LVRN: variants seen among roughly 807,000 people sequenced by gnomAD.
LVRN encodes laeverin, also known as aminopeptidase Q.
In LVRN, 99 loss-of-function variants were observed where a neutral mutation model predicts 111.4. The ratio of observed to expected loss-of-function variants is 0.89; its 90% CI spans 0.76 to 1.05. LVRN has a LOEUF of 1.05. Ranked by LOEUF, LVRN falls within the 50% of genes least tolerant of loss-of-function variation. LVRN has a pLI of 0.00. For missense variants in LVRN, 1,414 were observed against 1,206.8 expected, an observed-to-expected ratio of 1.17 and a Z score of -2.54; for synonymous variants, 488 against 449.5, an observed-to-expected ratio of 1.09 and a Z score of -1.08.
rs1293835203 is a variant in LVRN at position 115,985,058 on chromosome 5, C to T, written c.978+349C>T. 2.0e-5 allele frequency among the ~76,000 whole-genome samples: 3 copies of T among 152,140 alleles called. No individual in the cohort carries two copies. In the East Asian group the frequency reaches 5.8e-4, roughly 29 times the overall value. ...GTTTGCGTTTAGTATGTGATGTGTA[C>T]TTAGCCCAGGGTTAATGGTGTCTTG... On this transcript the variant is annotated intron_variant, in intron 3 of 19. Coordinates refer to ENST00000357872, the MANE Select transcript of LVRN (RefSeq NM_173800.5).
In LVRN at chr5:115,999,795, A is replaced by G. The variant is rs1241412353; in HGVS notation, c.1408A>G (p.Ile470Val). 2.5e-6 allele frequency: 4 copies of G among 1,613,186 alleles called. No individual in the cohort carries two copies. Among genetic ancestry groups the G allele is most frequent in the Non-Finnish European group, 2.5e-6 (3 of 1,179,506 alleles). Residue 470 changes from isoleucine (I) to valine (V), a missense_variant, in exon 7 of 20, where the codon ATC becomes GTC. Coordinates refer to ENST00000357872, the MANE Select transcript of LVRN (RefSeq NM_173800.5). ...EIFFSNILHN[I>V]LREDHALVTR... ...CTTTTTTTCTAACATTTTACATAATATCCTCAGAGAAGATCACGCCCTGGT... is the reference window on the plus strand; with the variant it reads ...CTTTTTTTCTAACATTTTACATAATGTCCTCAGAGAAGATCACGCCCTGGT...
intron 12 of LVRN, 110 bp downstream of exon 12, chr5:116,003,490 T>G: frequency 1.5e-6 from 1 of 647,924 alleles, no homozygotes; most frequent in Non-Finnish European, 2.3e-6. Flanking sequence ...TTCCCGCCCC[T>G]CACCTCCAGG....
intron 5 of LVRN, 73 bp downstream of exon 5, chr5:115,992,350 C>A: frequency 2.0e-6 from 3 of 1,528,788 alleles, no homozygotes; most frequent in Non-Finnish European, 2.7e-6. Context: ...AGCATAAAAA[C>A]CCCAGTAAGA....
intron 14 of LVRN, among the ~76,000 whole-genome samples, chr5:116,011,340 T>C (rs1748485847): frequency 6.6e-6 from 1 of 151,934 alleles, no homozygotes; most frequent in African/African-American, 2.4e-5. Flanking sequence ...GAGAGATATA[T>C]TCCAGAAAAT....
chr5:115,984,771 C>G, intron 3 of LVRN, 62 bp downstream of exon 3: 3 of 1,591,002 alleles, frequency 1.9e-6, no homozygotes, highest in Non-Finnish European at 2.6e-6. Flanking sequence ...TTCATCTATT[C>G]TTTCTGCATC....
intron 18 of LVRN, chr5:116,021,522 A>G (rs75039552): frequency 0.019 from 4,417 of 234,452 alleles, 216 homozygotes; most frequent in African/African-American, 0.096. Flanking sequence ...AGAAAGTTAG[A>G]AAAACAGCAG....
chr5:115,977,751 G>C (rs935292414), intron 1 of LVRN, among the ~76,000 whole-genome samples: 4 of 152,104 alleles, frequency 2.6e-5, no homozygotes, highest in African/African-American at 9.7e-5. Flanking sequence ...AACTCCTGGG[G>C]AGTCAGTTTT....
chr5:115,964,542 G>C (rs1753162157), intron 1 of LVRN, among the ~76,000 whole-genome samples: 1 of 150,382 alleles, frequency 6.6e-6, no homozygotes, highest in African/African-American at 2.5e-5. Context: ...TACTGTGTAG[G>C]TCAGGGTGCA....
chr5:115,978,013 A>G (rs1753483663), intron 1 of LVRN, among the ~76,000 whole-genome samples: 1 of 152,250 alleles, frequency 6.6e-6, no homozygotes, highest in African/African-American at 2.4e-5. Flanking sequence ...GGGGGGCCAA[A>G]TAAAGGTGAA....
chr5:116,001,278 G>A (rs138458411), intron 10 of LVRN, 39 bp downstream of exon 10: 1 of 1,606,948 alleles, frequency 6.2e-7, no homozygotes, highest in South Asian at 1.1e-5. Context: ...ACCTTCCTTG[G>A]GGTTGAGCTC....
At position 116,025,573 on chromosome 5, in the gene LVRN, G is replaced by A. The variant is rs143911503; in HGVS notation, c.2833-405G>A. Reference sequence around the variant, plus strand: ...AATAAAGAATGACATTTGTAAAACTGCAAATATTATGTACCAATTTTGAGC... The same window carrying A: ...AATAAAGAATGACATTTGTAAAACTACAAATATTATGTACCAATTTTGAGC... On this transcript the variant is annotated intron_variant, in intron 19 of 19. Coordinates refer to ENST00000357872, the MANE Select transcript of LVRN (RefSeq NM_173800.5). Among the ~76,000 whole-genome samples the A allele has an allele frequency of 5.9e-5, 9 of 152,214 alleles. No individual in the cohort carries two copies. In the East Asian group the frequency reaches 1.7e-3, roughly 29 times the overall value.
At chr5:116,001,935 T>A (rs1748247089) in intron 10 of LVRN, among the ~76,000 whole-genome samples, 1 of 152,242 alleles carries the variant, frequency 6.6e-6, no homozygotes, top group Non-Finnish European at 1.5e-5. Flanking sequence ...CCTTTCTTCT[T>A]CTCTTCCCTT....
rs866071143 is a variant in LVRN at position 116,026,407 on chromosome 5, G to A, written c.*289G>A. ...GTCACGTAAAAACAAATTCACCTAAGATAGTCTTGCTTATTTTGTTGCGAA... is the reference window on the plus strand; with the variant it reads ...GTCACGTAAAAACAAATTCACCTAAAATAGTCTTGCTTATTTTGTTGCGAA... On this transcript the variant is annotated 3_prime_UTR_variant, in exon 20 of 20. Coordinates refer to ENST00000357872, the MANE Select transcript of LVRN (RefSeq NM_173800.5). The A allele has an allele frequency of 2.5e-5, 10 of 392,982 alleles. No homozygotes were observed. Among genetic ancestry groups the A allele is most frequent in the Non-Finnish European group, 4.7e-5 (10 of 212,094 alleles). 24.3% of individuals were successfully genotyped at this position (392,982 alleles called of 1,614,324 possible). A position where few individuals can be genotyped will look rare whatever the true frequency, so the allele number is the denominator to read the frequency against.
At chr5:115,990,634 C>T (rs1747965400) in intron 4 of LVRN, among the ~76,000 whole-genome samples, 1 of 152,074 alleles carries the variant, frequency 6.6e-6, no homozygotes, top group African/African-American at 2.4e-5. Context: ...TGCAGTGGTG[C>T]AATCCCCCCC....
At chr5:115,966,351 C>G (rs1303094886) in intron 1 of LVRN, among the ~76,000 whole-genome samples, 1 of 152,180 alleles carries the variant, frequency 6.6e-6, no homozygotes, top group Non-Finnish European at 1.5e-5. Context: ...AATGCCCTTG[C>G]GATCCATCCA....
intron 13 of LVRN, among the ~76,000 whole-genome samples, chr5:116,007,650 G>A (rs1748403116): frequency 6.6e-6 from 1 of 152,182 alleles, no homozygotes; most frequent in Admixed American, 6.5e-5. Flanking sequence ...GGCAAGTGCA[G>A]TGTCATATGT....
chr5:115,984,860 T>A, intron 3 of LVRN, 151 bp downstream of exon 3: 1 of 1,095,160 alleles, frequency 9.1e-7, no homozygotes, highest in South Asian at 1.7e-5. Flanking sequence ...AGTGTGGCTT[T>A]GCAGAATGGG....
intron 1 of LVRN, among the ~76,000 whole-genome samples, chr5:115,974,210 C>A (rs890068997): frequency 6.6e-6 from 1 of 152,048 alleles, no homozygotes; most frequent in Non-Finnish European, 1.5e-5. Flanking sequence ...AGAATGCATT[C>A]CTAGAAGAGA....
chr5:116,012,436 T>G lies in LVRN; in HGVS notation c.2310T>G (p.Asn770Lys). The change falls in exon 15 of 20, where the codon AAT becomes AAG. Residue 770 changes from asparagine (N) to lysine (K), a missense_variant. Coordinates refer to ENST00000357872, the MANE Select transcript of LVRN (RefSeq NM_173800.5). ...WNIYSTIIRE[N>K]VLALQDDYLA... ...TTTATTCAACTATAATTCGTGAAAA[T>G]GTGTTGGCATTACAAGATGACTACT... 1 of 1,548,162 alleles carries G rather than the reference T, an allele frequency of 6.5e-7. No homozygotes were observed. The highest frequency in any genetic ancestry group is 8.9e-7 in the Non-Finnish European group (1 of 1,127,692).
Sources: allele counts gnomAD v4.1 joint callset (sites outside exome capture counted in the v4.1 genomes callset), GRCh38; gene constraint gnomAD v4.1.1; transcripts MANE v1.5; gene names NCBI Gene and HGNC (gene_info 2026-07-23, HGNC 2026-07-21).